RAC1: variants seen among roughly 807,000 people sequenced by gnomAD.
RAC1 encodes ras-related C3 botulinum toxin substrate 1.
Under a neutral mutation model 25.2 loss-of-function variants are expected in RAC1, and 2 were observed. The ratio of observed to expected loss-of-function variants is 0.08; its 90% CI spans 0.03 to 0.25. The LOEUF (loss-of-function observed/expected upper bound fraction) is 0.25, where lower values mean the gene tolerates loss of function less well. RAC1 is among the 10% of genes least tolerant of loss of function. The pLI is 1.00. For missense variants in RAC1, 50 were observed against 235.7 expected (o/e 0.21, Z 5.16); for synonymous variants, 88 against 94.0 (o/e 0.94, Z 0.37).
At chr7:6,384,656 A>C (rs534130145) in intron 1 of RAC1, among the ~76,000 whole-genome samples, 3 of 152,078 alleles carry the variant, frequency 2.0e-5, no homozygotes, top group Admixed American at 2.0e-4. Flanking sequence ...TTTTTTGTGG[A>C]AACAAGGTCT....
chr7:6,384,403 C>T (rs1355125367), intron 1 of RAC1, among the ~76,000 whole-genome samples: 1 of 152,216 alleles, frequency 6.6e-6, no homozygotes, highest in Non-Finnish European at 1.5e-5. Context: ...AATTTAAAAC[C>T]TGTGACTTTC....
At chr7:6,388,667 GTCC>G (rs1160424526) in intron 2 of RAC1, among the ~76,000 whole-genome samples, 1 of 151,946 alleles carries the variant, frequency 6.6e-6, no homozygotes, top group Non-Finnish European at 1.5e-5. Flanking sequence ...GAATCATGCT[GTCC>G]CTGTTGTCCT....
chr7:6,381,491 C>G (rs1446128359), intron 1 of RAC1, among the ~76,000 whole-genome samples: 3 of 150,526 alleles, frequency 2.0e-5, no homozygotes, highest in African/African-American at 7.4e-5. Flanking sequence ...CTCCCAGGTT[C>G]AAGCAATTCT....
chr7:6,401,900 C>T lies in RAC1; in HGVS notation c.321C>T (p.Asn107=). ...WYPEVRHHCP[N]TPIILVGTKL... is the part of the protein sequence containing the mutation. Reference sequence around the variant, plus strand: ...CTGAGGTGCGGCACCACTGTCCCAACACTCCCATCATCCTAGTGGGAACTA... The same window carrying T: ...CTGAGGTGCGGCACCACTGTCCCAATACTCCCATCATCCTAGTGGGAACTA... Residue 107 remains asparagine (N), a synonymous_variant, in exon 5 of 6, where the codon AAC becomes AAT. Transcript: ENST00000348035. The T allele has an allele frequency of 6.2e-7, 1 of 1,614,012 alleles. No homozygotes were observed. Among genetic ancestry groups the T allele is most frequent in the Non-Finnish European group, 8.5e-7 (1 of 1,179,928 alleles).
rs1318301446 is a variant in RAC1 at position 6,398,837 on chromosome 7, C to T, written c.226-1289C>T. 6 of 958,318 alleles carry T rather than the reference C, an allele frequency of 6.3e-6. No individual in the cohort carries two copies. The East Asian group carries it at 1.0e-4, about 17-fold the overall frequency. The allele number at this position is 958,318 out of a possible 1,614,324, so 59.4% of individuals were successfully genotyped here. On this transcript the variant is annotated intron_variant, in intron 3 of 5. Transcript: ENST00000348035. ...CCTTGAGTGTTTTATATTTAATTCA[C>T]TCAAGGTTGGGGTTTTGCTTGATGA...
chr7:6,387,650 T>C (rs983748311), intron 2 of RAC1, among the ~76,000 whole-genome samples: 15 of 151,290 alleles, frequency 9.9e-5, no homozygotes, highest in Admixed American at 6.6e-4. Flanking sequence ...ACTCGAACCG[T>C]GGAGGCGGAG....
At chr7:6,397,036 C>CA (rs151105670) in intron 3 of RAC1, among the ~76,000 whole-genome samples, 3,474 of 80,208 alleles carry the variant, frequency 0.043, 123 homozygotes, top group African/African-American at 0.059. Flanking sequence ...CTCTCAAAAA[C>CA]AAAAAAAAAA....
At chr7:6,387,843 T>C (rs1259281200) in intron 2 of RAC1, among the ~76,000 whole-genome samples, 4 of 152,182 alleles carry the variant, frequency 2.6e-5, no homozygotes, top group Non-Finnish European at 5.9e-5. Context: ...GACTGGATGA[T>C]GTTAAAGAAA....
intron 3 of RAC1, among the ~76,000 whole-genome samples, chr7:6,398,899 G>A (rs1478901716): frequency 6.6e-6 from 1 of 152,132 alleles, no homozygotes; most frequent in Non-Finnish European, 1.5e-5. Context: ...TTACCCACCG[G>A]CTTGAATTAA....
chr7:6,378,695 G>A (rs903879907), intron 1 of RAC1, among the ~76,000 whole-genome samples: 1 of 152,090 alleles, frequency 6.6e-6, no homozygotes, highest in African/African-American at 2.4e-5. Context: ...CTGAGCATGG[G>A]GTCTATAATT....
chr7:6,402,144 TG>T, intron 5 of RAC1, 117 bp downstream of exon 5: 1 of 1,440,434 alleles, frequency 6.9e-7, no homozygotes. Context: ...GGTGTACTCT[TG>T]GGGAACCAGC....
chr7:6,376,861 A>T (rs1169988828), intron 1 of RAC1, among the ~76,000 whole-genome samples: 2 of 150,302 alleles, frequency 1.3e-5, no homozygotes, highest in Non-Finnish European at 2.9e-5. Flanking sequence ...CATAGCAGAT[A>T]CGTTTATTTA....
intron 1 of RAC1, among the ~76,000 whole-genome samples, chr7:6,384,866 A>G (rs890620178): frequency 4.6e-5 from 7 of 152,070 alleles, no homozygotes; most frequent in African/African-American, 1.7e-4. Context: ...CACTGGTGCA[A>G]TCTTGTTTCA....
At chr7:6,401,749 G>A in intron 4 of RAC1, 119 bp from the exon 5 acceptor site, 7 of 1,034,088 alleles carry the variant, frequency 6.8e-6, no homozygotes, top group African/African-American at 3.2e-5. Context: ...TGAAGCCTCC[G>A]TGGGGAGGCC....
chr7:6,397,091 T>G (rs836468), intron 3 of RAC1, among the ~76,000 whole-genome samples: 1 of 133,998 alleles, frequency 7.5e-6, no homozygotes, highest in Non-Finnish European at 1.6e-5. Flanking sequence ...ATACAAAAAA[T>G]TTAGCTGGGC....
Position 6,374,786 on chromosome 7 carries a change from G to C in RAC1, c.35+16G>C. ...TGGGAGACGGGTGAGTGCGCGGCCG[G>C]GGCCGGGCTGGAGGCCGCGGGATCG... On this transcript the variant is annotated intron_variant, in intron 1 of 5. Transcript: ENST00000348035. 1 of 1,126,254 alleles carries C rather than the reference G, an allele frequency of 8.9e-7. No homozygotes were observed. The highest frequency in any genetic ancestry group is 3.8e-5 in the South Asian group (1 of 26,640). 69.8% of individuals were successfully genotyped at this position (1,126,254 alleles called of 1,614,324 possible). A position where few individuals can be genotyped will look rare whatever the true frequency, so the allele number is the denominator to read the frequency against.
At chr7:6,400,894 C>T (rs974694460) in intron 4 of RAC1, among the ~76,000 whole-genome samples, 3 of 152,122 alleles carry the variant, frequency 2.0e-5, no homozygotes, top group African/African-American at 4.8e-5. Flanking sequence ...AGGCTGGTCT[C>T]GAACTCCCGA....
chr7:6,381,464 C>G (rs905480766), intron 1 of RAC1, among the ~76,000 whole-genome samples: 2 of 150,282 alleles, frequency 1.3e-5, no homozygotes, highest in South Asian at 4.2e-4. Flanking sequence ...ACGAAATCAG[C>G]TCACTGCAAC....
chr7:6,399,839 G>A, intron 3 of RAC1: 1 of 412,566 alleles, frequency 2.4e-6, no homozygotes, highest in East Asian at 3.8e-5. Context: ...TAGGCGTAAA[G>A]GAAGCCTCCT....
Sources: allele counts gnomAD v4.1 joint callset (sites outside exome capture counted in the v4.1 genomes callset), GRCh38; gene constraint gnomAD v4.1.1; transcripts MANE v1.5; gene names NCBI Gene and HGNC (gene_info 2026-07-23, HGNC 2026-07-21).